WDR19: variants seen among roughly 807,000 people sequenced by gnomAD.
The protein encoded by WDR19 is WD repeat domain 19.
Under a neutral mutation model 180.0 loss-of-function variants are expected in WDR19, and 121 were observed. The observed-to-expected ratio is 0.67, with a 90% CI of 0.58 to 0.78. WDR19 has a LOEUF of 0.78. Ranked by LOEUF, WDR19 falls within the 30% of genes least tolerant of loss-of-function variation. WDR19 has a pLI of 0.00. For missense variants in WDR19, 1,450 were observed against 1,640.7 expected (o/e 0.88, Z 2.01); for synonymous variants, 497 against 540.7 (o/e 0.92, Z 1.12).
At position 39,252,533 on chromosome 4, in the gene WDR19, A is replaced by T. The variant is rs547981334; in HGVS notation, c.2730-613A>T. 2.7e-3 allele frequency among the ~76,000 whole-genome samples: 418 copies of T among 152,064 alleles called. 2 individuals are homozygous for T. The highest frequency in any genetic ancestry group is 9.4e-3 in the African/African-American group (389 of 41,544). On this transcript the variant is annotated intron_variant, in intron 24 of 36. Transcript: ENST00000399820. ...TAATAAAAAATAATAAAAAAAAATT[A>T]AAAAATTTTTTAAAGAAGTGTAACT...
At chr4:39,197,766 C>A (rs1426945872) in intron 5 of WDR19, among the ~76,000 whole-genome samples, 1 of 152,192 alleles carries the variant, frequency 6.6e-6, no homozygotes, top group African/African-American at 2.4e-5. Context: ...GTTCTTAACA[C>A]AAGTCTTACT....
chr4:39,234,995 A>G (rs1397319010), intron 20 of WDR19, 120 bp downstream of exon 20: 1 of 626,914 alleles, frequency 1.6e-6, no homozygotes, highest in Non-Finnish European at 2.8e-6. Flanking sequence ...GAGAAAAAAT[A>G]CTGTATTAAT....
intron 9 of WDR19, among the ~76,000 whole-genome samples, chr4:39,212,856 G>A (rs947575964): frequency 3.3e-5 from 5 of 151,676 alleles, no homozygotes; most frequent in South Asian, 4.2e-4. Context: ...TATACAACAC[G>A]AAAATAATAC....
intron 3 of WDR19, 53 bp from the exon 4 acceptor site, chr4:39,189,603 G>A: frequency 6.9e-7 from 1 of 1,448,530 alleles, no homozygotes; most frequent in Non-Finnish European, 9.2e-7. Flanking sequence ...ATCACAAATA[G>A]TAATTTTACT....
At chr4:39,219,814 G>A (rs980261630) in intron 14 of WDR19, among the ~76,000 whole-genome samples, 1 of 152,134 alleles carries the variant, frequency 6.6e-6, no homozygotes, top group African/African-American at 2.4e-5. Context: ...ACTAGTTATA[G>A]CATCTTATAT....
intron 26 of WDR19, among the ~76,000 whole-genome samples, chr4:39,255,344 G>T (rs6831700): frequency 0.55 from 83,521 of 151,994 alleles, 26,137 homozygotes; most frequent in East Asian, 0.82. Context: ...GGCGCAGCAT[G>T]GTTGTTATAC....
intron 9 of WDR19, among the ~76,000 whole-genome samples, chr4:39,211,081 C>T (rs768594868): frequency 9.9e-5 from 15 of 151,530 alleles, no homozygotes; most frequent in Non-Finnish European, 1.5e-4. Flanking sequence ...GTCCCAGCAA[C>T]TTGGGAGGCT....
At position 39,202,285 on chromosome 4, in the gene WDR19, A is replaced by G. The variant is rs141423049; in HGVS notation, c.523-1357A>G. Reference sequence around the variant, plus strand: ...TTCAAATTTGTCTAATCATCTGTGTATACATTGAGTTTTTTTATTTTAATG... The same window carrying G: ...TTCAAATTTGTCTAATCATCTGTGTGTACATTGAGTTTTTTTATTTTAATG... On this transcript the variant is annotated intron_variant, in intron 6 of 36. Transcript: ENST00000399820. Among the ~76,000 whole-genome samples, 166 of 152,272 alleles carry G rather than the reference A, an allele frequency of 1.1e-3. 1 individual carries two copies. The highest frequency in any genetic ancestry group is 3.8e-3 in the African/African-American group (156 of 41,574).
At chr4:39,226,432 T>C (rs1395967932) in intron 15 of WDR19, among the ~76,000 whole-genome samples, 5 of 152,256 alleles carry the variant, frequency 3.3e-5, no homozygotes, top group Non-Finnish European at 7.3e-5. Context: ...GCATGTAAGC[T>C]TTTAGTATAG....
intron 15 of WDR19, among the ~76,000 whole-genome samples, chr4:39,227,184 A>G (rs1026605554): frequency 5.9e-5 from 9 of 152,344 alleles, no homozygotes; most frequent in Non-Finnish European, 1.2e-4. Flanking sequence ...TGTAGATGTT[A>G]TAATAGCAAC....
At chr4:39,278,698 C>CGCCCAG in intron 36 of WDR19, 35 bp downstream of exon 36, 2 of 1,363,658 alleles carry the variant, frequency 1.5e-6, no homozygotes, top group Non-Finnish European at 2.1e-6. Context: ...CTTCTGGGCG[C>CGCCCAG]AAGGGCCCAC....
chr4:39,214,722 A>G (rs1175797725), intron 10 of WDR19, 51 bp downstream of exon 10: 3 of 1,162,870 alleles, frequency 2.6e-6, no homozygotes, highest in African/African-American at 3.1e-5. Context: ...AGTTACAGAG[A>G]GTAAGGTTGT....
At chr4:39,266,010 C>A (rs1480024717) in intron 28 of WDR19, 53 bp from the exon 29 acceptor site, 5 of 1,459,606 alleles carry the variant, frequency 3.4e-6, no homozygotes, top group African/African-American at 1.4e-5. Flanking sequence ...TTTCTCCACT[C>A]TTGCTCGGTT....
At chr4:39,258,762 A>G (rs943169225) in intron 28 of WDR19, among the ~76,000 whole-genome samples, 1 of 152,184 alleles carries the variant, frequency 6.6e-6, no homozygotes, top group African/African-American at 2.4e-5. Flanking sequence ...TAAATTCTTA[A>G]CTTTTAATAA....
At chr4:39,188,266 T>C (rs1272249651) in intron 3 of WDR19, among the ~76,000 whole-genome samples, 1 of 151,938 alleles carries the variant, frequency 6.6e-6, no homozygotes, top group Non-Finnish European at 1.5e-5. Context: ...AAAGAAAAGG[T>C]AAATATTTTT....
At chr4:39,229,107 T>G (rs1322806460) in intron 17 of WDR19, among the ~76,000 whole-genome samples, 1 of 152,152 alleles carries the variant, frequency 6.6e-6, no homozygotes, top group Non-Finnish European at 1.5e-5. Flanking sequence ...CCATCCATAT[T>G]GCTGCAAAAG....
Position 39,205,232 on chromosome 4 carries a change from C to T in WDR19, c.682C>T (p.Gln228Ter), listed in dbSNP as rs587777350. Residue 228 changes from glutamine to a stop codon, truncating the protein, a stop_gained, in exon 8 of 37, where the codon CAG becomes TAG. Transcript: ENST00000399820. LOFTEE classifies it high-confidence loss of function. ...AGATAACCCAGCTGATCTTGAATTT[C>T]AGCAGGACTTTGGCAACATTGTCTG... ...EPDNPADLEF[Q>*]QDFGNIVCYN... 1 of 1,601,836 alleles carries T rather than the reference C, an allele frequency of 6.2e-7. No individual in the cohort carries two copies. The highest frequency in any genetic ancestry group is 8.5e-7 in the Non-Finnish European group (1 of 1,173,658).
chr4:39,257,646 C>T (rs1283093766), intron 28 of WDR19, 92 bp downstream of exon 28: 7 of 1,196,922 alleles, frequency 5.8e-6, no homozygotes, highest in Non-Finnish European at 8.4e-6. Context: ...GTAGACCAAA[C>T]AGTATTACAA....
At chr4:39,198,185 C>A (rs994312935) in intron 5 of WDR19, among the ~76,000 whole-genome samples, 13 of 152,096 alleles carry the variant, frequency 8.5e-5, no homozygotes, top group South Asian at 2.1e-4. Flanking sequence ...AATGTTAAAT[C>A]TGCTTATGTC....
Sources: gnomAD v4.1 joint callset for allele counts (sites outside exome capture counted in the v4.1 genomes callset) on GRCh38, gnomAD v4.1.1 for gene constraint, MANE v1.5 for transcripts, NCBI Gene and HGNC (gene_info 2026-07-23, HGNC 2026-07-21) for gene names.